The following JAM2 variants were observed in gnomAD, a reference collection of about 807,000 sequenced individuals.
JAM2 encodes the protein junctional adhesion molecule 2.
JAM2 carries 17 observed loss-of-function variants against 42.0 expected under a neutral mutation model. The observed-to-expected ratio is 0.40, with a 90% CI of 0.28 to 0.61. The LOEUF is 0.61. JAM2 is among the 20% of genes least tolerant of loss of function. The pLI is 0.37. For synonymous variants in JAM2, 118 were observed against 128.6 expected (o/e 0.92, Z 0.56); for missense variants, 319 against 358.3 (o/e 0.89, Z 0.89).
chr21:25,660,015 T>TCAAGCAACTCTCCTGCCTC (rs1376249264), intron 1 of JAM2, among the ~76,000 whole-genome samples: 3 of 152,176 alleles, frequency 2.0e-5, no homozygotes, highest in African/African-American at 7.2e-5. Context: ...CGTCCTGGGT[T>TCAAGCAACTCTCCTGCCTC]CAAGCAACTC....
Position 25,693,860 on chromosome 21 carries a change from G to A in JAM2, c.346G>A (p.Glu116Lys). 6.2e-7 allele frequency: 1 copy of A among 1,614,194 alleles called. No homozygotes were observed. Among genetic ancestry groups the A allele is most frequent in the Non-Finnish European group, 8.5e-7 (1 of 1,180,038 alleles). ...KYRCEVSAPS[E>K]QGQNLEEDTV... The stretch of plus-strand genomic sequence containing the variant: ...TCGTTGTGAAGTTAGTGCCCCATCT[G>A]AGCAAGGCCAAAACCTGGAAGAGGA... The change falls in exon 4 of 10, where the codon GAG (glutamate) becomes AAG (lysine). Residue 116 changes from glutamate (E) to lysine (K), a missense_variant. Physicochemically the swap from Glu to Lys is moderately conservative, Grantham distance 56. Coordinates refer to ENST00000480456, the MANE Select transcript of JAM2 (RefSeq NM_021219.4).
chr21:25,702,807 C>T (rs1386580443), intron 6 of JAM2, among the ~76,000 whole-genome samples: 1 of 152,002 alleles, frequency 6.6e-6, no homozygotes, highest in Non-Finnish European at 1.5e-5. Flanking sequence ...TCTTTGTTTC[C>T]TTTATTCACA....
chr21:25,644,674 G>A (rs1353987678), intron 1 of JAM2, among the ~76,000 whole-genome samples: 1 of 152,188 alleles, frequency 6.6e-6, no homozygotes, highest in African/African-American at 2.4e-5. Flanking sequence ...GATATTTATA[G>A]GTTCTGGGGA....
chr21:25,660,732 A>T (rs2033056441), intron 1 of JAM2, among the ~76,000 whole-genome samples: 1 of 134,026 alleles, frequency 7.5e-6, no homozygotes, highest in Non-Finnish European at 1.5e-5. Flanking sequence ...TAAATATACA[A>T]ATTTGTATTC....
intron 2 of JAM2, among the ~76,000 whole-genome samples, chr21:25,685,422 G>A (rs2033728278): frequency 6.6e-6 from 1 of 150,380 alleles, no homozygotes; most frequent in African/African-American, 2.4e-5. Flanking sequence ...TCAGGAGGCT[G>A]AGGCAGGTGG....
intron 1 of JAM2, among the ~76,000 whole-genome samples, chr21:25,661,098 C>G (rs1018148714): frequency 1.3e-5 from 2 of 151,896 alleles, no homozygotes; most frequent in Admixed American, 6.6e-5. Context: ...GCCAATAACC[C>G]TATTCTTATA....
At chr21:25,657,432 A>G (rs1425489045) in intron 1 of JAM2, among the ~76,000 whole-genome samples, 1 of 152,198 alleles carries the variant, frequency 6.6e-6, no homozygotes, top group Non-Finnish European at 1.5e-5. Flanking sequence ...TAAACTCATT[A>G]ATTTTATGAA....
At chr21:25,682,982 A>C (rs1259385928) in intron 1 of JAM2, among the ~76,000 whole-genome samples, 1 of 151,924 alleles carries the variant, frequency 6.6e-6, no homozygotes, top group Non-Finnish European at 1.5e-5. Context: ...TCGCCTGCTC[A>C]TCTGCTTCTA....
At chr21:25,665,301 T>C (rs766120649) in intron 1 of JAM2, among the ~76,000 whole-genome samples, 37 of 152,196 alleles carry the variant, frequency 2.4e-4, no homozygotes, top group Non-Finnish European at 4.1e-4. Context: ...TGTAAGGTTG[T>C]TTTAGATCAG....
intron 1 of JAM2, among the ~76,000 whole-genome samples, chr21:25,672,812 A>C (rs1390912263): frequency 6.6e-6 from 1 of 152,132 alleles, no homozygotes; most frequent in Non-Finnish European, 1.5e-5. Flanking sequence ...ATATTCTTCT[A>C]CTATCCACTA....
At chr21:25,703,728 T>TA (rs1322161682) in intron 6 of JAM2, among the ~76,000 whole-genome samples, 1 of 123,178 alleles carries the variant, frequency 8.1e-6, no homozygotes, top group Admixed American at 8.3e-5. Flanking sequence ...TTTCTTTCAG[T>TA]AAAAAAAATG....
intron 1 of JAM2, chr21:25,643,348 A>T (rs2032501520): frequency 6.6e-6 from 1 of 152,212 alleles, no homozygotes; most frequent in Non-Finnish European, 1.5e-5. Context: ...CAAGGAGCTG[A>T]TCATGAATCA....
At chr21:25,668,577 T>C (rs2033279826) in intron 1 of JAM2, among the ~76,000 whole-genome samples, 1 of 152,212 alleles carries the variant, frequency 6.6e-6, no homozygotes, top group African/African-American at 2.4e-5. Context: ...ATAATTGAGT[T>C]GCCATCATCT....
chr21:25,685,381 A>G (rs901204068), intron 2 of JAM2, among the ~76,000 whole-genome samples: 3 of 151,888 alleles, frequency 2.0e-5, no homozygotes, highest in Admixed American at 6.6e-5. Flanking sequence ...AATTAGACAG[A>G]CATGTGGTGC....
chr21:25,669,526 A>T (rs991883385), intron 1 of JAM2, among the ~76,000 whole-genome samples: 4 of 152,224 alleles, frequency 2.6e-5, no homozygotes, highest in African/African-American at 9.6e-5. Context: ...ATAAAAAGCA[A>T]TGTGAAGTGA....
At chr21:25,660,270 A>G (rs1471467372) in intron 1 of JAM2, among the ~76,000 whole-genome samples, 1 of 152,202 alleles carries the variant, frequency 6.6e-6, no homozygotes, top group Non-Finnish European at 1.5e-5. Context: ...AAAATAATGT[A>G]GATGATAGAT....
At chr21:25,696,260 C>T (rs1445665909) in intron 4 of JAM2, among the ~76,000 whole-genome samples, 1 of 152,134 alleles carries the variant, frequency 6.6e-6, no homozygotes, top group Admixed American at 6.5e-5. Flanking sequence ...TGGCGGCGCG[C>T]GCCTGCAATC....
intron 1 of JAM2, among the ~76,000 whole-genome samples, chr21:25,666,315 T>TTATTATTATTA (rs2033219494): frequency 1.7e-4 from 25 of 146,562 alleles, no homozygotes; most frequent in African/African-American, 5.9e-4. Flanking sequence ...TGTTACGGCT[T>TTATTATTATTA]TTATTATTAT....
At chr21:25,699,647 C>A (rs969114458) in intron 5 of JAM2, among the ~76,000 whole-genome samples, 2 of 143,180 alleles carry the variant, frequency 1.4e-5, no homozygotes, top group Non-Finnish European at 3.0e-5. Context: ...GGCGTGAACC[C>A]GGGAGGCGGA....
Sources: allele counts gnomAD v4.1 joint callset (sites outside exome capture counted in the v4.1 genomes callset), GRCh38; gene constraint gnomAD v4.1.1; transcripts MANE v1.5; gene names NCBI Gene and HGNC (gene_info 2026-07-23, HGNC 2026-07-21).